VSIG4: variants seen among roughly 807,000 people sequenced by gnomAD.
VSIG4 encodes the protein V-set and immunoglobulin domain containing 4.
A neutral mutation model predicts 23.4 loss-of-function variants in VSIG4; 34 were observed. That is an observed-to-expected ratio of 1.45 (90% CI 1.10 to 1.93). The LOEUF (loss-of-function observed/expected upper bound fraction) is 1.93, where lower values mean the gene tolerates loss of function less well. Ranked by LOEUF, VSIG4 falls within the 30% of genes most tolerant of loss-of-function variation. The pLI is 0.00. For synonymous variants in VSIG4, 169 were observed against 120.3 expected, an observed-to-expected ratio of 1.41 and a Z score of -2.65; for missense variants, 433 against 310.8, an observed-to-expected ratio of 1.39 and a Z score of -2.96.
At chrX:66,037,644 A>T (rs2085630251) in intron 1 of VSIG4, among the ~76,000 whole-genome samples, 1 of 84,843 alleles carries the variant, frequency 1.2e-5, no homozygotes, top group South Asian at 5.1e-4. Context: ...TATAATAATT[A>T]TATAATTATT....
chrX:66,032,804 A>T (rs1184771914), intron 2 of VSIG4, 55 bp from the exon 3 acceptor site: 1 of 1,135,776 alleles, frequency 8.8e-7, no homozygotes, highest in Non-Finnish European at 1.2e-6. Context: ...ATATGGGACC[A>T]AAAGGCTGAA....
Position 66,033,512 on chromosome X carries a change from A to G in VSIG4, c.374T>C (p.Val125Ala), listed in dbSNP as rs1432534981. The change falls in exon 2 of 8, where the codon GTC (valine) becomes GCC (alanine). Residue 125 changes from valine to alanine, a missense_variant. Transcript: ENST00000374737. ...GAGCTCAGTAATCTTATCTCTCACG[A>G]CTTGGTTGCCATCAGGAGTCTGCCA... ...VTWQTPDGNQ[V>A]VRDKITELRV... 2 of 1,210,422 alleles carry G rather than the reference A, an allele frequency of 1.7e-6. No homozygotes were observed. The highest frequency in any genetic ancestry group is 2.2e-6 in the Non-Finnish European group (2 of 894,916).
At chrX:66,027,955 TTTATTAGCCA>T in intron 4 of VSIG4, 85 bp downstream of exon 4, 4 of 827,871 alleles carry the variant, frequency 4.8e-6, no homozygotes, top group Non-Finnish European at 7.3e-6. Context: ...CAAGTGACTG[TTTATTAGCCA>T]TTCCATGGCA....
At chrX:66,038,411 C>T (rs939597839) in intron 1 of VSIG4, among the ~76,000 whole-genome samples, 15 of 110,403 alleles carry the variant, frequency 1.4e-4, no homozygotes, top group South Asian at 3.9e-4. Flanking sequence ...AAATGGAAGG[C>T]CTGCTTCCAG....
intron 3 of VSIG4, among the ~76,000 whole-genome samples, chrX:66,031,039 C>T (rs887994841): frequency 8.1e-5 from 9 of 110,940 alleles, no homozygotes; most frequent in African/African-American, 2.3e-4. Context: ...GGAAAGATTA[C>T]GTTGGCTCAC....
chrX:66,034,200 C>A (rs944121648), intron 1 of VSIG4, among the ~76,000 whole-genome samples: 2 of 112,174 alleles, frequency 1.8e-5, no homozygotes, highest in African/African-American at 6.5e-5. Context: ...TGTCATTCTG[C>A]AAATCCATGA....
intron 6 of VSIG4, among the ~76,000 whole-genome samples, chrX:66,024,791 G>A (rs1473772363): frequency 8.9e-5 from 10 of 111,867 alleles, no homozygotes; most frequent in East Asian, 8.4e-4. Flanking sequence ...AAGATGACTC[G>A]TTAGAAAGAT....
chrX:66,033,390 T>G, intron 2 of VSIG4, 84 bp downstream of exon 2: 1 of 912,484 alleles, frequency 1.1e-6, no homozygotes, highest in Non-Finnish European at 1.5e-6. Context: ...AACGAAGGCC[T>G]CTGGATTTTT....
Position 66,040,036 on chromosome X carries a change from C to A in VSIG4, c.-38G>T. ...TACTTCTGTCCTTTCTTCCAGCCTCCTGCTACCAAAGAGGCTCAAACTTCT... is the reference window on the plus strand; with the variant it reads ...TACTTCTGTCCTTTCTTCCAGCCTCATGCTACCAAAGAGGCTCAAACTTCT... On this transcript the variant is annotated 5_prime_UTR_variant, in exon 1 of 8. It adds an upstream start codon to the 5' untranslated region. Coordinates refer to ENST00000374737, the MANE Select transcript of VSIG4 (RefSeq NM_007268.3). 7.5e-6 allele frequency: 9 copies of A among 1,203,479 alleles called. No homozygotes were observed. Among genetic ancestry groups the A allele is most frequent in the Non-Finnish European group, 1.0e-5 (9 of 888,382 alleles).
chrX:66,038,026 G>T (rs1436330399), intron 1 of VSIG4, among the ~76,000 whole-genome samples: 3 of 110,507 alleles, frequency 2.7e-5, no homozygotes, highest in Non-Finnish European at 5.7e-5. Context: ...CACATGACTG[G>T]CTTCTCTCCC....
chrX:66,025,914 G>A (rs1024961821), intron 5 of VSIG4, among the ~76,000 whole-genome samples: 3 of 112,330 alleles, frequency 2.7e-5, no homozygotes, highest in African/African-American at 9.7e-5. Flanking sequence ...ACATAGCCTT[G>A]CTGACTGACA....
At chrX:66,024,983 G>A in intron 6 of VSIG4, 42 bp downstream of exon 6, 1 of 1,002,450 alleles carries the variant, frequency 1.0e-6, no homozygotes, top group Non-Finnish European at 1.4e-6. Flanking sequence ...CTGACAGAAA[G>A]AACAAATGAG....
chrX:66,022,993 C>A, intron 6 of VSIG4, 131 bp from the exon 7 acceptor site: 1 of 698,483 alleles, frequency 1.4e-6, no homozygotes, highest in Non-Finnish European at 2.1e-6. Flanking sequence ...TCTTAGCTTT[C>A]CAACAACTGG....
chrX:66,036,767 A>ATATAT (rs1413980448), intron 1 of VSIG4, among the ~76,000 whole-genome samples: 3 of 41,895 alleles, frequency 7.2e-5, no homozygotes, highest in Non-Finnish European at 1.1e-4. Flanking sequence ...ATAATATAAT[A>ATATAT]TATATTATAT....
intron 1 of VSIG4, among the ~76,000 whole-genome samples, chrX:66,036,257 G>T (rs1353987951): frequency 9.4e-6 from 1 of 106,752 alleles, no homozygotes; most frequent in Non-Finnish European, 1.9e-5. Flanking sequence ...TGCTTCATTA[G>T]TTGCATAAAG....
chrX:66,025,045 C>T lies in VSIG4; in HGVS notation c.920G>A (p.Cys307Tyr). 8.3e-7 allele frequency: 1 copy of T among 1,199,079 alleles called. No individual in the cohort carries two copies. Among genetic ancestry groups the T allele is most frequent in the East Asian group, 3.0e-5 (1 of 33,405 alleles). The change falls in exon 6 of 8, where the codon TGT becomes TAT. Residue 307 changes from cysteine (C) to tyrosine (Y), a missense_variant. Physicochemically the swap from Cys to Tyr is radical, Grantham distance 194. Transcript: ENST00000374737. ...VVFTMAYIMLCRKTSQQEHVY... is the reference protein window; with the variant it reads ...VVFTMAYIMLYRKTSQQEHVY... The stretch of plus-strand genomic sequence containing the variant: ...CTAACCTTGTTGGGATGTCTTCCGA[C>T]AGAGCATGATATAGGCCATGGTAAA...
intron 3 of VSIG4, among the ~76,000 whole-genome samples, chrX:66,028,558 CTTT>C (rs34660062): frequency 4.2e-4 from 31 of 74,236 alleles, no homozygotes; most frequent in African/African-American, 1.2e-3. Context: ...ACGTAATCAA[CTTT>C]TTTTTTTTTT....
At chrX:66,033,436 T>A (rs56002707) in intron 2 of VSIG4, 38 bp downstream of exon 2, 435 of 1,110,474 alleles carry the variant, frequency 3.9e-4, no homozygotes, top group Non-Finnish European at 5.2e-4. Context: ...TATTGATTCA[T>A]TGATTATCAG....
At chrX:66,030,388 T>C (rs2085450767) in intron 3 of VSIG4, among the ~76,000 whole-genome samples, 1 of 111,577 alleles carries the variant, frequency 9.0e-6, no homozygotes, top group Non-Finnish European at 1.9e-5. Context: ...AAATAACATA[T>C]ATATATGTAT....
Sources: gnomAD v4.1 joint callset for allele counts (sites outside exome capture counted in the v4.1 genomes callset) on GRCh38, gnomAD v4.1.1 for gene constraint, MANE v1.5 for transcripts, NCBI Gene and HGNC (gene_info 2026-07-23, HGNC 2026-07-21) for gene names.